EXD2: variants seen among roughly 807,000 people sequenced by gnomAD.
The protein encoded by EXD2 is exonuclease 3'-5' domain-containing protein 2.
EXD2 carries 40 observed loss-of-function variants against 62.5 expected under a neutral mutation model. The ratio of observed to expected loss-of-function variants is 0.64; its 90% CI spans 0.50 to 0.83. EXD2 has a LOEUF of 0.83. Among genes scored for constraint, EXD2 ranks in the 40% least tolerant of loss-of-function variants. The pLI, the probability that EXD2 is intolerant of heterozygous loss-of-function variation, is 0.00. For synonymous variants in EXD2, 239 were observed against 291.9 expected (o/e 0.82, Z 1.85); for missense variants, 671 against 761.8 (o/e 0.88, Z 1.40).
Position 69,209,764 on chromosome 14 carries a change from A to G in EXD2, c.294A>G (p.Glu98=). 6.5e-7 allele frequency: 1 copy of G among 1,527,264 alleles called. No homozygotes were observed. The highest frequency in any genetic ancestry group is 8.8e-7 in the Non-Finnish European group (1 of 1,135,728). The allele number at this position is 1,527,264 out of a possible 1,614,324, so 94.6% of individuals were successfully genotyped here. ...WDQIEPLLRS[E]LEDFPVLGID... ...AAATCGAGCCCTTGCTTAGAAGTGA[A>G]TTAGAAGATTTTCCAGTACTTGGAA... is the stretch of plus-strand genomic sequence containing the variant. The change falls in exon 3 of 10, where the codon GAA becomes GAG. Residue 98 remains glutamate, a synonymous_variant. Transcript: ENST00000685843.
chr14:69,222,367 T>C (rs756291674), intron 3 of EXD2, among the ~76,000 whole-genome samples: 1 of 152,192 alleles, frequency 6.6e-6, no homozygotes, highest in Admixed American at 6.5e-5. Context: ...TATAATTTCT[T>C]ATTCTTCATT....
In EXD2 at chr14:69,237,543, T is replaced by A. The variant is rs201704505; in HGVS notation, c.1293-32T>A. The A allele has an allele frequency of 1.3e-4, 216 of 1,602,510 alleles. 1 individual carries two copies. Among genetic ancestry groups the A allele is most frequent in the South Asian group, 3.6e-4 (33 of 90,848 alleles). Reference sequence around the variant, plus strand: ...TCCCATGTGCTCTGTCATACACTTATGAGCGCTGCTTTCCGGCTGGGCTTG... The same window carrying A: ...TCCCATGTGCTCTGTCATACACTTAAGAGCGCTGCTTTCCGGCTGGGCTTG... On this transcript the variant is annotated intron_variant, in intron 8 of 9. Transcript: ENST00000685843.
chr14:69,238,599 GT>G (rs556113895), intron 9 of EXD2, among the ~76,000 whole-genome samples: 1,470 of 131,224 alleles, frequency 0.011, 11 homozygotes, highest in South Asian at 0.035. Context: ...AGTACAGATA[GT>G]TTTTTTTTTT....
Position 69,243,578 on chromosome 14 carries a change from G to A in EXD2, c.*2478G>A, listed in dbSNP as rs1041507068. 4 of 152,086 alleles carry A rather than the reference G, an allele frequency of 2.6e-5. No individual in the cohort carries two copies. Among genetic ancestry groups the A allele is most frequent in the African/African-American group, 9.7e-5 (4 of 41,412 alleles). The allele number at this position is 152,086 out of a possible 1,614,324, so 9.4% of individuals were successfully genotyped here. On this transcript the variant is annotated 3_prime_UTR_variant, in exon 10 of 10. Coordinates refer to ENST00000685843, the MANE Select transcript of EXD2 (RefSeq NM_001193360.2). The stretch of plus-strand genomic sequence containing the variant: ...CCCCACACTGTTGAAAATTTTGGTT[G>A]TTTCAGATACTTTTATTATCAATGA...
chr14:69,219,527 AC>A (rs2043099868), intron 3 of EXD2, among the ~76,000 whole-genome samples: 1 of 152,194 alleles, frequency 6.6e-6, no homozygotes, highest in African/African-American at 2.4e-5. Flanking sequence ...GAATTGTTAG[AC>A]CACAATATTG....
chr14:69,223,409 C>A (rs2140286489), intron 3 of EXD2, among the ~76,000 whole-genome samples: 1 of 152,286 alleles, frequency 6.6e-6, no homozygotes, highest in South Asian at 2.1e-4. Context: ...GTGAGACATT[C>A]TTCTCTCAGA....
rs2043982455 is a variant in EXD2 at position 69,241,480 on chromosome 14, C to G, written c.*380C>G. On this transcript the variant is annotated 3_prime_UTR_variant, in exon 10 of 10. Transcript: ENST00000685843. ...TTCCTTGTCTAGTGCCTCGGTTTAT[C>G]TCTAACAGGGGCTGTCCAGTATATC... 3.9e-6 allele frequency: 1 copy of G among 259,726 alleles called. No individual in the cohort carries two copies. Among genetic ancestry groups the G allele is most frequent in the Non-Finnish European group, 7.3e-6 (1 of 136,880 alleles). The allele number at this position is 259,726 out of a possible 1,614,324, so 16.1% of individuals were successfully genotyped here. A position where few individuals can be genotyped will look rare whatever the true frequency, so the allele number is the denominator to read the frequency against.
At chr14:69,209,293 A>G (rs2042723432) in intron 2 of EXD2, 131 bp from the exon 3 acceptor site, 1 of 477,268 alleles carries the variant, frequency 2.1e-6, no homozygotes, top group Non-Finnish European at 3.6e-6. Flanking sequence ...ACTATTTCAC[A>G]TGGAAATTTA....
In EXD2 at chr14:69,234,739, C is replaced by G. The variant is rs766930628; in HGVS notation, c.757C>G (p.Leu253Val). The G allele has an allele frequency of 1.2e-6, 2 of 1,613,820 alleles. No homozygotes were observed. Among genetic ancestry groups the G allele is most frequent in the Non-Finnish European group, 8.5e-7 (1 of 1,179,896 alleles). ...AARDAQISVA[L>V]FLHLLGYPFS... The stretch of plus-strand genomic sequence containing the variant: ...CAGGGATGCCCAGATTTCAGTGGCT[C>G]TCTTTCTTCATCTTCTTGGATACCC... The change falls in exon 6 of 10, where the codon CTC becomes GTC. Residue 253 changes from leucine (L) to valine (V), a missense_variant. By Grantham distance (32) the Leu-to-Val change is conservative (BLOSUM62 1). Transcript: ENST00000685843.
Position 69,208,299 on chromosome 14 carries a change from C to T in EXD2, c.-47-1125C>T, listed in dbSNP as rs577783095. 4.0e-5 allele frequency among the ~76,000 whole-genome samples: 6 copies of T among 151,150 alleles called. No individual in the cohort carries two copies. In the East Asian group the frequency reaches 1.2e-3, roughly 30 times the overall value. ...GATCTCGGCTCACTGCAAGCTCCGC[C>T]TCCCGGGTTCATACCATTCTCCTGC... On this transcript the variant is annotated intron_variant, in intron 2 of 9. Coordinates refer to ENST00000685843, the MANE Select transcript of EXD2 (RefSeq NM_001193360.2).
chr14:69,237,630 C>G lies in EXD2; in HGVS notation c.1348C>G (p.His450Asp), dbSNP rs754637120. ...RKHFPIEMKD[H>D]NSHDVLLLCT... The stretch of plus-strand genomic sequence containing the variant: ...GCACTTCCCCATCGAGATGAAGGAC[C>G]ACAACTCCCACGATGTGCTGCTGCT... The change falls in exon 9 of 10, where the codon CAC (histidine) becomes GAC (aspartate). Residue 450 changes from histidine to aspartate, a missense_variant. By Grantham distance (81) the His-to-Asp change is moderately conservative. Coordinates refer to ENST00000685843, the MANE Select transcript of EXD2 (RefSeq NM_001193360.2). 5.0e-6 allele frequency: 8 copies of G among 1,614,116 alleles called. No homozygotes were observed. The highest frequency in any genetic ancestry group is 1.7e-6 in the Non-Finnish European group (2 of 1,180,048).
At position 69,209,737 on chromosome 14, in the gene EXD2, T is replaced by C. The variant is rs1390766457; in HGVS notation, c.267T>C (p.Asp89=). The C allele has an allele frequency of 6.5e-7, 1 of 1,547,262 alleles. No individual in the cohort carries two copies. The highest frequency in any genetic ancestry group is 2.5e-5 in the East Asian group (1 of 40,718). ...CGGTGTCTCAGGAGGCAGAGTGGGATCAAATCGAGCCCTTGCTTAGAAGTG... is the reference window on the plus strand; with the variant it reads ...CGGTGTCTCAGGAGGCAGAGTGGGACCAAATCGAGCCCTTGCTTAGAAGTG... The part of the protein sequence containing the change: ...VVTVSQEAEW[D]QIEPLLRSEL... The change falls in exon 3 of 10, where the codon GAT becomes GAC. Residue 89 remains aspartate (D), a synonymous_variant. Transcript: ENST00000685843.
chr14:69,204,061 C>G (rs2042500526), intron 2 of EXD2, 61 bp downstream of exon 2: 1 of 152,140 alleles, frequency 6.6e-6, no homozygotes, highest in Non-Finnish European at 1.5e-5. Flanking sequence ...GTGTTGTCTA[C>G]CATATACTGC....
At chr14:69,212,963 A>C (rs1211549241) in intron 3 of EXD2, among the ~76,000 whole-genome samples, 1 of 151,924 alleles carries the variant, frequency 6.6e-6, no homozygotes, top group Non-Finnish European at 1.5e-5. Context: ...CATTCGCCTC[A>C]GTCCCACAAA....
Position 69,234,893 on chromosome 14 carries a change from T to C in EXD2, c.911T>C (p.Val304Ala). Residue 304 changes from valine to alanine, a missense_variant, in exon 6 of 10, where the codon GTT (valine) becomes GCT (alanine). Transcript: ENST00000685843. Reference protein sequence around the residue: ...SKGMSRLGEEVNGEATESQQK... With the variant: ...SKGMSRLGEEANGEATESQQK... The stretch of plus-strand genomic sequence containing the variant: ...GGAATGAGCAGATTGGGAGAAGAGG[T>C]TAATGGGGAAGCAACAGAATCTCAG... 6.2e-7 allele frequency: 1 copy of C among 1,613,822 alleles called. No homozygotes were observed. Among genetic ancestry groups the C allele is most frequent in the Non-Finnish European group, 8.5e-7 (1 of 1,179,948 alleles).
At chr14:69,232,884 G>C (rs1440383138) in intron 5 of EXD2, among the ~76,000 whole-genome samples, 1 of 152,140 alleles carries the variant, frequency 6.6e-6, no homozygotes. Context: ...CCAGTTATCA[G>C]TTTCTTTTTA....
chr14:69,233,153 G>A (rs115127470), intron 5 of EXD2, among the ~76,000 whole-genome samples: 2,013 of 152,240 alleles, frequency 0.013, 42 homozygotes, highest in African/African-American at 0.047. Flanking sequence ...TAATGTGTTA[G>A]AGGGAACTCT....
At chr14:69,192,772 C>T (rs892253962) in intron 1 of EXD2, among the ~76,000 whole-genome samples, 16 of 152,100 alleles carry the variant, frequency 1.1e-4, no homozygotes, top group African/African-American at 3.9e-4. Flanking sequence ...TGCTTAAAAA[C>T]GGGTCTTGGA....
rs368379859 is a variant in EXD2 at position 69,207,353 on chromosome 14, G to A, written c.-47-2071G>A. 1.3e-3 allele frequency among the ~76,000 whole-genome samples: 192 copies of A among 152,178 alleles called. 1 individual carries two copies. Among genetic ancestry groups the A allele is most frequent in the South Asian group, 2.7e-3 (13 of 4,814 alleles). ...TACTAAAAATACACAAATTAGCTGGGTATGGTGGCATACCCCTGTAGTCCC... is the reference window on the plus strand; with the variant it reads ...TACTAAAAATACACAAATTAGCTGGATATGGTGGCATACCCCTGTAGTCCC... On this transcript the variant is annotated intron_variant, in intron 2 of 9. Transcript: ENST00000685843.
Sources: allele counts gnomAD v4.1 joint callset (sites outside exome capture counted in the v4.1 genomes callset), GRCh38; gene constraint gnomAD v4.1.1; transcripts MANE v1.5; gene names NCBI Gene and HGNC (gene_info 2026-07-23, HGNC 2026-07-21).